ERGIC3: variants seen among roughly 807,000 people sequenced by gnomAD.
ERGIC3 encodes ERGIC and golgi 3.
A neutral mutation model predicts 54.7 loss-of-function variants in ERGIC3; 33 were observed. The observed-to-expected ratio is 0.60, with a 90% confidence interval of 0.46 to 0.81. The LOEUF is 0.81. Among genes scored for constraint, ERGIC3 ranks in the 30% least tolerant of loss-of-function variants. ERGIC3 has a pLI of 0.00. For synonymous variants in ERGIC3, 186 were observed against 189.8 expected (o/e 0.98, Z 0.16); for missense variants, 399 against 488.4 (o/e 0.82, Z 1.73).
chr20:35,553,924 C>T (rs1203385881), intron 7 of ERGIC3, among the ~76,000 whole-genome samples: 1 of 152,196 alleles, frequency 6.6e-6, no homozygotes, highest in African/African-American at 2.4e-5. Flanking sequence ...TACAGTTGCC[C>T]AAGGCCAGAG....
At chr20:35,554,874 C>T in intron 7 of ERGIC3, 170 bp from the exon 8 acceptor site, 1 of 800,288 alleles carries the variant, frequency 1.2e-6, no homozygotes, top group East Asian at 2.6e-5. Context: ...CACACAGGCC[C>T]AAGGCTTGCC....
At chr20:35,551,297 T>TA (rs113467203) in intron 7 of ERGIC3, among the ~76,000 whole-genome samples, 2,206 of 137,476 alleles carry the variant, frequency 0.016, 38 homozygotes, top group African/African-American at 0.05. Context: ...CCATCTCCAT[T>TA]AAAAAAAAAA....
rs996035644 is a variant in ERGIC3, at chr20:35,556,962, T to C, written c.880-11T>C. On this transcript the variant is annotated splice_polypyrimidine_tract_variant and intron_variant, in intron 10 of 12. Transcript: ENST00000348547. Reference sequence around the variant, plus strand: ...GCCCTAGCCCTGGCCCAGGCTCCCCTCCCACCCCAGGTACTGAGGACAAAT... The same window carrying C: ...GCCCTAGCCCTGGCCCAGGCTCCCCCCCCACCCCAGGTACTGAGGACAAAT... 3 of 1,613,860 alleles carry C rather than the reference T, an allele frequency of 1.9e-6. No individual in the cohort carries two copies. The highest frequency in any genetic ancestry group is 2.7e-5 in the African/African-American group (2 of 74,924).
intron 4 of ERGIC3, chr20:35,543,559 T>C (rs2147302201): frequency 2.1e-6 from 1 of 469,126 alleles, no homozygotes; most frequent in Admixed American, 2.4e-5. Context: ...ATTCCCTTCG[T>C]TAACTCAGTT....
rs748390635 is a variant in ERGIC3, at chr20:35,556,135, AG to A, written c.814+7del. ...CAATGTCACTGCGCCCCAAGGTACC[AG>A]CCCGGGAGGCAGCCCCCAGCCGCAG... On this transcript the variant is annotated splice_region_variant and intron_variant, in intron 9 of 12. Transcript: ENST00000348547. 1.9e-6 allele frequency: 3 copies of A among 1,614,202 alleles called. No homozygotes were observed. The highest frequency in any genetic ancestry group is 2.5e-6 in the Non-Finnish European group (3 of 1,180,046).
chr20:35,547,863 A>G (rs1029206505), intron 5 of ERGIC3, among the ~76,000 whole-genome samples: 1 of 152,174 alleles, frequency 6.6e-6, no homozygotes, highest in African/African-American at 2.4e-5. Flanking sequence ...AGAGTCACAT[A>G]TGGATTAGCT....
intron 12 of ERGIC3, 54 bp from the exon 13 acceptor site, chr20:35,557,371 C>T (rs187992055): frequency 1.1e-5 from 17 of 1,607,584 alleles, no homozygotes; most frequent in East Asian, 4.5e-5. Context: ...AGGCTCTCAG[C>T]GTCAAAAGCC....
intron 4 of ERGIC3, 122 bp downstream of exon 4, chr20:35,543,063 A>G: frequency 6.8e-7 from 1 of 1,464,454 alleles, no homozygotes; most frequent in Non-Finnish European, 9.3e-7. Flanking sequence ...AGAGAAGTCA[A>G]GTGACTTGCC....
At position 35,548,645 on chromosome 20, in the gene ERGIC3, C is replaced by G; in HGVS notation, c.598C>G (p.Gln200Glu). Residue 200 changes from glutamine (Q) to glutamate (E), a missense_variant, in exon 6 of 13, where the codon CAG becomes GAG. Transcript: ENST00000348547. The part of the protein sequence containing the change: ...KMQEQKNEGC[Q>E]VYGFLEVNKV... ...GCAGGAGCAGAAGAATGAAGGCTGC[C>G]AGGTGTATGGCTTCTTGGAAGTCAA... The G allele has an allele frequency of 1.9e-6, 3 of 1,614,198 alleles. No homozygotes were observed. The highest frequency in any genetic ancestry group is 2.5e-6 in the Non-Finnish European group (3 of 1,180,042).
intron 4 of ERGIC3, chr20:35,544,387 G>T: frequency 3.5e-6 from 1 of 284,944 alleles, no homozygotes; most frequent in Admixed American, 4.6e-5. Flanking sequence ...TTTTTTTTCT[G>T]TCAAGGTGTT....
At position 35,545,586 on chromosome 20, in the gene ERGIC3, AC is replaced by A. The variant is rs1306097343; in HGVS notation, c.368-1825del. The stretch of plus-strand genomic sequence containing the variant: ...CTGTCTCAACAACAACAACAAAAAA[AC>A]GTGTAACCTTTTTTATGACCCAGCC... On this transcript the variant is annotated intron_variant, in intron 4 of 12. Coordinates refer to ENST00000348547, the MANE Select transcript of ERGIC3 (RefSeq NM_015966.3). Among the ~76,000 whole-genome samples the A allele has an allele frequency of 3.3e-5, 5 of 152,188 alleles. No individual in the cohort carries two copies. The East Asian group carries it at 9.7e-4, about 29-fold the overall frequency.
intron 11 of ERGIC3, 24 bp from the exon 12 acceptor site, chr20:35,557,170 G>A (rs2064718596): frequency 6.2e-7 from 1 of 1,614,094 alleles, no homozygotes; most frequent in African/African-American, 1.3e-5. Flanking sequence ...GATGCCTGCT[G>A]AGCCCACCCT....
chr20:35,547,074 A>G lies in ERGIC3; in HGVS notation c.368-338A>G, dbSNP rs751553038. Among the ~76,000 whole-genome samples, 5 of 152,204 alleles carry G rather than the reference A, an allele frequency of 3.3e-5. No individual in the cohort carries two copies. The South Asian group carries it at 8.3e-4, about 25-fold the overall frequency. On this transcript the variant is annotated intron_variant, in intron 4 of 12. Transcript: ENST00000348547. Reference sequence around the variant, plus strand: ...GTTGCATTGGGCAAAGTCACTTCTCATCAGTGAGCCTCAACATCTTCTCAG... The same window carrying G: ...GTTGCATTGGGCAAAGTCACTTCTCGTCAGTGAGCCTCAACATCTTCTCAG...
In ERGIC3 at chr20:35,542,328, A is replaced by G. The variant is rs914797735; in HGVS notation, c.94A>G (p.Ile32Val). The G allele has an allele frequency of 6.2e-7, 1 of 1,613,884 alleles. No homozygotes were observed. Among genetic ancestry groups the G allele is most frequent in the Non-Finnish European group, 8.5e-7 (1 of 1,180,004 alleles). Residue 32 changes from isoleucine (I) to valine (V), a missense_variant, in exon 2 of 13, where the codon ATT becomes GTT. Transcript: ENST00000348547. ...CCTCGCCCCTTGTCCTGCAGTGACCATTGTCAGTGGCCTTCTCATGCTGCT... is the reference window on the plus strand; with the variant it reads ...CCTCGCCCCTTGTCCTGCAGTGACCGTTGTCAGTGGCCTTCTCATGCTGCT... ...VKTCGGATVT[I>V]VSGLLMLLLF...
intron 5 of ERGIC3, 120 bp from the exon 6 acceptor site, chr20:35,548,389 C>G (rs1222787351): frequency 2.9e-6 from 3 of 1,045,318 alleles, no homozygotes; most frequent in African/African-American, 1.6e-5. Context: ...GTTTGGTGGT[C>G]AGGGATGAGG....
Position 35,556,284 on chromosome 20 carries a change from G to C in ERGIC3, c.879+13G>C. The C allele has an allele frequency of 5.6e-6, 9 of 1,613,982 alleles. No individual in the cohort carries two copies. Among genetic ancestry groups the C allele is most frequent in the African/African-American group, 1.3e-5 (1 of 75,048 alleles). On this transcript the variant is annotated intron_variant, in intron 10 of 12. Coordinates refer to ENST00000348547, the MANE Select transcript of ERGIC3 (RefSeq NM_015966.3). ...GGTGGACGGAGAGGTGAGTCAGGGA[G>C]CTCCCTACCAGAGTCTCCTGCGCGG... is the stretch of plus-strand genomic sequence containing the variant.
chr20:35,545,345 G>A (rs1178177551), intron 4 of ERGIC3: 1 of 151,776 alleles, frequency 6.6e-6, no homozygotes, highest in Non-Finnish European at 1.5e-5. Context: ...ATCACCTGAA[G>A]TCAGGAGTTC....
At chr20:35,550,871 G>A (rs1332263223) in intron 7 of ERGIC3, among the ~76,000 whole-genome samples, 3 of 152,288 alleles carry the variant, frequency 2.0e-5, no homozygotes, top group Admixed American at 1.3e-4. Flanking sequence ...GGTGGGGCAC[G>A]GCCCAGAGTG....
intron 7 of ERGIC3, among the ~76,000 whole-genome samples, chr20:35,553,089 C>T (rs2064690824): frequency 8.5e-6 from 1 of 118,208 alleles, no homozygotes; most frequent in African/African-American, 3.2e-5. Flanking sequence ...TCACTGCAGC[C>T]TTGACCTCCT....
Sources: allele counts gnomAD v4.1 joint callset (sites outside exome capture counted in the v4.1 genomes callset), GRCh38; gene constraint gnomAD v4.1.1; transcripts MANE v1.5; gene names NCBI Gene and HGNC (gene_info 2026-07-23, HGNC 2026-07-21).